SNTB1: variants seen among roughly 807,000 people sequenced by gnomAD.
SNTB1 encodes syntrophin beta 1.
In SNTB1, 36 loss-of-function variants were observed where a neutral mutation model predicts 48.9. The observed-to-expected ratio is 0.74, with a 90% CI of 0.56 to 0.97. The LOEUF (loss-of-function observed/expected upper bound fraction) is 0.97. SNTB1 is among the 50% of genes least tolerant of loss of function. The pLI, the probability that SNTB1 is intolerant of heterozygous loss-of-function variation, is 0.00. For synonymous variants in SNTB1, 299 were observed against 294.6 expected (o/e 1.01, Z -0.15); for missense variants, 786 against 703.4 (o/e 1.12, Z -1.33).
chr8:120,611,650 A>C (rs1024958247), intron 3 of SNTB1, among the ~76,000 whole-genome samples: 7 of 151,644 alleles, frequency 4.6e-5, no homozygotes, highest in Non-Finnish European at 1.0e-4. Context: ...GTGAAACCCC[A>C]TTACTACTAA....
At chr8:120,779,715 C>T (rs935678858) in intron 1 of SNTB1, among the ~76,000 whole-genome samples, 3 of 151,956 alleles carry the variant, frequency 2.0e-5, no homozygotes, top group African/African-American at 2.4e-5. Flanking sequence ...AGAGCCGGAG[C>T]GTTAGTTTTC....
At chr8:120,573,141 A>C (rs141465157) in intron 4 of SNTB1, among the ~76,000 whole-genome samples, 1 of 152,294 alleles carries the variant, frequency 6.6e-6, no homozygotes, top group East Asian at 1.9e-4. Context: ...CATTCCTATC[A>C]ACAGTATACA....
Position 120,650,988 on chromosome 8 carries a change from C to G in SNTB1, c.789-18337G>C, listed in dbSNP as rs541459210. Among the ~76,000 whole-genome samples, 6 of 152,294 alleles carry G rather than the reference C, an allele frequency of 3.9e-5. No individual in the cohort carries two copies. In the South Asian group the frequency reaches 6.2e-4, roughly 16 times the overall value. Reference sequence around the variant, plus strand: ...ACTCCCTAAGCCTCGATTTCTTTATCTGTAGAATGCCTCAATATACTTGTC... The same window carrying G: ...ACTCCCTAAGCCTCGATTTCTTTATGTGTAGAATGCCTCAATATACTTGTC... On this transcript the variant is annotated intron_variant, in intron 2 of 6. Coordinates refer to ENST00000517992, the MANE Select transcript of SNTB1 (RefSeq NM_021021.4).
At chr8:120,746,921 G>C (rs1355944219) in intron 1 of SNTB1, among the ~76,000 whole-genome samples, 1 of 152,148 alleles carries the variant, frequency 6.6e-6, no homozygotes, top group African/African-American at 2.4e-5. Context: ...TATTGAACAA[G>C]GATTCAGTCA....
chr8:120,666,284 A>T (rs1180415245), intron 2 of SNTB1, among the ~76,000 whole-genome samples: 1 of 152,170 alleles, frequency 6.6e-6, no homozygotes, highest in East Asian at 1.9e-4. Context: ...GCATTCTTTG[A>T]GCATTTGTAT....
chr8:120,626,421 T>A (rs1816883622), intron 3 of SNTB1, among the ~76,000 whole-genome samples: 1 of 152,184 alleles, frequency 6.6e-6, no homozygotes, highest in Non-Finnish European at 1.5e-5. Flanking sequence ...GATCATTACA[T>A]GACCTTTAAA....
intron 1 of SNTB1, among the ~76,000 whole-genome samples, chr8:120,708,090 A>G (rs1818408559): frequency 6.6e-6 from 1 of 151,892 alleles, no homozygotes; most frequent in Non-Finnish European, 1.5e-5. Flanking sequence ...GGGAAATGAC[A>G]TCAGATATAA....
At chr8:120,606,762 T>C (rs746615878) in intron 3 of SNTB1, among the ~76,000 whole-genome samples, 4 of 152,206 alleles carry the variant, frequency 2.6e-5, no homozygotes, top group Non-Finnish European at 5.9e-5. Context: ...TCTAAAGACC[T>C]ATACAAATGT....
intron 1 of SNTB1, among the ~76,000 whole-genome samples, chr8:120,746,588 A>G (rs2130020459): frequency 6.6e-6 from 1 of 152,214 alleles, no homozygotes; most frequent in South Asian, 2.1e-4. Context: ...AAATTTACCT[A>G]CCCCAGCTTT....
intron 1 of SNTB1, among the ~76,000 whole-genome samples, chr8:120,796,131 T>C (rs1159740388): frequency 1.3e-5 from 2 of 151,934 alleles, no homozygotes; most frequent in South Asian, 2.1e-4. Flanking sequence ...CATTTCAAAG[T>C]GTGTAGCACC....
chr8:120,751,659 A>G (rs1170452165), intron 1 of SNTB1, among the ~76,000 whole-genome samples: 1 of 152,166 alleles, frequency 6.6e-6, no homozygotes, highest in Non-Finnish European at 1.5e-5. Flanking sequence ...ACATTTATAT[A>G]TAGAAATTCC....
At chr8:120,791,670 A>C (rs1820038677) in intron 1 of SNTB1, among the ~76,000 whole-genome samples, 1 of 152,044 alleles carries the variant, frequency 6.6e-6, no homozygotes, top group African/African-American at 2.4e-5. Flanking sequence ...TCTCAAAAGA[A>C]GATATACAAA....
At chr8:120,703,483 G>C (rs1818336691) in intron 1 of SNTB1, among the ~76,000 whole-genome samples, 1 of 152,200 alleles carries the variant, frequency 6.6e-6, no homozygotes, top group South Asian at 2.1e-4. Context: ...TACAGATCAA[G>C]TAGCAGAGGC....
intron 3 of SNTB1, among the ~76,000 whole-genome samples, chr8:120,615,756 C>T (rs187430416): frequency 2.0e-5 from 3 of 152,238 alleles, no homozygotes; most frequent in African/African-American, 7.2e-5. Context: ...TTGAATCGAA[C>T]GGAGGTAAAA....
At chr8:120,703,108 C>G (rs982265775) in intron 1 of SNTB1, among the ~76,000 whole-genome samples, 2 of 152,174 alleles carry the variant, frequency 1.3e-5, no homozygotes, top group African/African-American at 4.8e-5. Context: ...AGAATCTCCA[C>G]AACATAGTTT....
At chr8:120,643,227 A>G (rs2129679590) in intron 2 of SNTB1, among the ~76,000 whole-genome samples, 1 of 152,234 alleles carries the variant, frequency 6.6e-6, no homozygotes, top group Non-Finnish European at 1.5e-5. Flanking sequence ...GCCTTTTCTG[A>G]TCTGGTCTTC....
At chr8:120,539,416 CAG>C (rs1476698282) in intron 6 of SNTB1, among the ~76,000 whole-genome samples, 6 of 152,200 alleles carry the variant, frequency 3.9e-5, no homozygotes, top group African/African-American at 2.4e-5. Flanking sequence ...TACTAATTCA[CAG>C]AGTCATTAGA....
intron 2 of SNTB1, among the ~76,000 whole-genome samples, chr8:120,685,755 C>T (rs1253228255): frequency 6.6e-6 from 1 of 152,160 alleles, no homozygotes; most frequent in African/African-American, 2.4e-5. Context: ...AGTGTTGCAT[C>T]TCTTTTGATT....
chr8:120,634,013 T>A (rs1817026398), intron 2 of SNTB1, among the ~76,000 whole-genome samples: 1 of 152,102 alleles, frequency 6.6e-6, no homozygotes, highest in South Asian at 2.1e-4. Flanking sequence ...AAAGCAGAGA[T>A]CTTTAATCTC....
Sources: allele counts gnomAD v4.1 joint callset (sites outside exome capture counted in the v4.1 genomes callset), GRCh38; gene constraint gnomAD v4.1.1; transcripts MANE v1.5; gene names NCBI Gene and HGNC (gene_info 2026-07-23, HGNC 2026-07-21).